The following ASAP1 variants were observed in gnomAD, a reference collection of about 807,000 sequenced individuals.
The protein encoded by ASAP1 is arf-GAP with SH3 domain, ANK repeat and PH domain-containing protein 1.
A neutral mutation model predicts 145.2 loss-of-function variants in ASAP1; 43 were observed. That is an observed-to-expected ratio of 0.30 (90% CI 0.23 to 0.38). ASAP1 has a LOEUF of 0.38. ASAP1 is among the 10% of genes least tolerant of loss of function. The probability of loss-of-function intolerance (pLI) is 1.00; values close to 1 mark genes in which losing one functional copy is unlikely to be tolerated. For missense variants in ASAP1, 1,018 were observed against 1,355.3 expected (o/e 0.75, Z 3.91); for synonymous variants, 546 against 515.5 (o/e 1.06, Z -0.80).
intron 24 of ASAP1, among the ~76,000 whole-genome samples, chr8:130,095,294 ATTTTTTTTTT>A (rs71302392): frequency 3.1e-5 from 3 of 95,708 alleles, no homozygotes; most frequent in Admixed American, 1.2e-4. Flanking sequence ...TAGGCCAGTG[ATTTTTTTTTT>A]TTTTTTTTTT....
At chr8:130,389,532 C>G (rs1044033447) in intron 2 of ASAP1, among the ~76,000 whole-genome samples, 2 of 152,090 alleles carry the variant, frequency 1.3e-5, no homozygotes, top group Admixed American at 6.5e-5. Context: ...TGTGGTTGTG[C>G]TAGGTTAGAG....
chr8:130,143,722 TA>T (rs1190886588), intron 13 of ASAP1, among the ~76,000 whole-genome samples: 1 of 152,194 alleles, frequency 6.6e-6, no homozygotes, highest in Non-Finnish European at 1.5e-5. Context: ...CAATCCCAAT[TA>T]ATGTTTCTGT....
intron 17 of ASAP1, among the ~76,000 whole-genome samples, chr8:130,125,644 C>T (rs560015102): frequency 1.3e-5 from 2 of 152,188 alleles, no homozygotes; most frequent in African/African-American, 4.8e-5. Context: ...AGTTTAACTG[C>T]TATTTCCACG....
intron 2 of ASAP1, chr8:130,361,010 T>A (rs1216479707): frequency 6.5e-6 from 1 of 154,480 alleles, no homozygotes; most frequent in Non-Finnish European, 1.4e-5. Flanking sequence ...ACACGGCACT[T>A]AGGCTTCACT....
chr8:130,435,190 G>A lies in ASAP1; in HGVS notation c.-28+8270C>T, dbSNP rs563292155. Among the ~76,000 whole-genome samples, 152 of 152,308 alleles carry A rather than the reference G, an allele frequency of 1.0e-3. 1 individual carries two copies. Among genetic ancestry groups the A allele is most frequent in the African/African-American group, 3.5e-3 (144 of 41,568 alleles). On this transcript the variant is annotated intron_variant, in intron 1 of 29. Transcript: ENST00000518721. Reference sequence around the variant, plus strand: ...CAGGTGGGGAACTGAGGTCCACAGAGGATAAATGGCTACTATTTGAGGTCA... The same window carrying A: ...CAGGTGGGGAACTGAGGTCCACAGAAGATAAATGGCTACTATTTGAGGTCA...
chr8:130,267,289 A>G (rs571100886), intron 3 of ASAP1, among the ~76,000 whole-genome samples: 1 of 152,292 alleles, frequency 6.6e-6, no homozygotes, highest in East Asian at 1.9e-4. Context: ...GGAAAACAAG[A>G]GTAACAAGAG....
intron 1 of ASAP1, among the ~76,000 whole-genome samples, chr8:130,431,340 A>G (rs901176129): frequency 6.6e-6 from 1 of 152,202 alleles, no homozygotes; most frequent in Admixed American, 6.5e-5. Context: ...GTGGTTCCTC[A>G]GCGGCTTCAA....
intron 24 of ASAP1, among the ~76,000 whole-genome samples, chr8:130,110,798 AC>A (rs2097545439): frequency 1.3e-5 from 2 of 152,178 alleles, no homozygotes; most frequent in Admixed American, 1.3e-4. Context: ...CTCTGAAAAA[AC>A]ACTGTTTTGA....
chr8:130,122,627 A>C (rs1279922366), intron 18 of ASAP1, among the ~76,000 whole-genome samples: 3 of 152,244 alleles, frequency 2.0e-5, no homozygotes, highest in African/African-American at 7.2e-5. Context: ...CAGACAATTA[A>C]AGTTACTTGT....
At chr8:130,152,373 G>A (rs1467468312) in intron 13 of ASAP1, among the ~76,000 whole-genome samples, 2 of 152,068 alleles carry the variant, frequency 1.3e-5, no homozygotes, top group African/African-American at 4.8e-5. Context: ...TACCACCAAG[G>A]TTTTTACATC....
intron 24 of ASAP1, among the ~76,000 whole-genome samples, chr8:130,111,281 G>A (rs1325338095): frequency 1.3e-5 from 2 of 150,290 alleles, no homozygotes; most frequent in African/African-American, 4.9e-5. Flanking sequence ...TACTTGGAAG[G>A]CTGAGGTGGG....
At chr8:130,185,135 T>C (rs139170036) in intron 7 of ASAP1, among the ~76,000 whole-genome samples, 13 of 152,298 alleles carry the variant, frequency 8.5e-5, no homozygotes, top group East Asian at 5.8e-4. Flanking sequence ...AAGAGACAAA[T>C]GCTTGTTTTC....
intron 3 of ASAP1, among the ~76,000 whole-genome samples, chr8:130,308,136 T>C (rs1235652643): frequency 1.3e-5 from 2 of 152,238 alleles, no homozygotes; most frequent in Non-Finnish European, 1.5e-5. Context: ...CTATCCATCT[T>C]AGTGATAAAT....
intron 5 of ASAP1, among the ~76,000 whole-genome samples, chr8:130,189,673 G>A (rs1214974047): frequency 6.6e-6 from 1 of 152,122 alleles, no homozygotes; most frequent in Non-Finnish European, 1.5e-5. Context: ...TATATACCCA[G>A]CACTGGGATT....
At chr8:130,183,707 T>A (rs1180635041) in intron 7 of ASAP1, among the ~76,000 whole-genome samples, 2 of 152,188 alleles carry the variant, frequency 1.3e-5, no homozygotes, top group Non-Finnish European at 2.9e-5. Flanking sequence ...TAACTATCAC[T>A]TTTTGTGGTG....
At chr8:130,132,566 A>C (rs2097584860) in intron 15 of ASAP1, among the ~76,000 whole-genome samples, 1 of 152,162 alleles carries the variant, frequency 6.6e-6, no homozygotes, top group Non-Finnish European at 1.5e-5. Context: ...GGAAACCATG[A>C]GGGTGTGTGC....
Position 130,074,440 on chromosome 8 carries a change from A to AACACACACACAC in ASAP1, c.2701+1896_2701+1907dup, listed in dbSNP as rs57005471. On this transcript the variant is annotated intron_variant, in intron 27 of 29. Transcript: ENST00000518721. ...TTATTACGGAAAATTCCAAATAGTA[A>AACACACACACAC]ACACACACACACACACACACACACA... is the stretch of plus-strand genomic sequence containing the variant. Among the ~76,000 whole-genome samples, 93 of 119,328 alleles carry AACACACACACAC rather than the reference A, an allele frequency of 7.8e-4. 1 individual carries two copies. Among genetic ancestry groups the AACACACACACAC allele is most frequent in the East Asian group, 3.6e-3 (12 of 3,364 alleles). 78.3% of individuals were successfully genotyped at this position (119,328 alleles called of 152,430 possible).
chr8:130,151,874 G>A (rs1586453804), intron 13 of ASAP1, among the ~76,000 whole-genome samples: 1 of 152,220 alleles, frequency 6.6e-6, no homozygotes, highest in Non-Finnish European at 1.5e-5. Context: ...ACAGACACCC[G>A]AGTTTGAACT....
At chr8:130,377,296 G>A (rs923458689) in intron 2 of ASAP1, among the ~76,000 whole-genome samples, 2 of 152,060 alleles carry the variant, frequency 1.3e-5, no homozygotes, top group African/African-American at 2.4e-5. Context: ...ACAAGGTGAT[G>A]GGTGCACCAA....
Sources: gnomAD v4.1 joint callset for allele counts (sites outside exome capture counted in the v4.1 genomes callset) on GRCh38, gnomAD v4.1.1 for gene constraint, MANE v1.5 for transcripts, NCBI Gene and HGNC (gene_info 2026-07-23, HGNC 2026-07-21) for gene names.